CAMK4: variants seen among roughly 807,000 people sequenced by gnomAD.
CAMK4 encodes the protein calcium/calmodulin-dependent protein kinase type IV.
CAMK4 carries 22 observed loss-of-function variants against 44.9 expected under a neutral mutation model. The ratio of observed to expected loss-of-function variants is 0.49; its 90% CI spans 0.35 to 0.70. CAMK4 has a LOEUF of 0.70. Ranked by LOEUF, CAMK4 falls within the 30% of genes least tolerant of loss-of-function variation. The pLI is 0.01. For missense variants in CAMK4, 498 were observed against 586.8 expected, an observed-to-expected ratio of 0.85 and a Z score of 1.56; for synonymous variants, 218 against 215.4, an observed-to-expected ratio of 1.01 and a Z score of -0.11.
intron 5 of CAMK4, among the ~76,000 whole-genome samples, chr5:111,397,511 TCA>T (rs1752063384): frequency 2.0e-5 from 3 of 152,116 alleles, no homozygotes; most frequent in South Asian, 4.1e-4. Context: ...ACAGAAAAGT[TCA>T]GTTTGTAAAA....
chr5:111,488,721 T>C lies in CAMK4; in HGVS notation c.*4255T>C, dbSNP rs181617574. 443 of 152,290 alleles carry C rather than the reference T, an allele frequency of 2.9e-3. 1 individual carries two copies. Among genetic ancestry groups the C allele is most frequent in the African/African-American group, 0.01 (428 of 41,554 alleles). The allele number at this position is 152,290 out of a possible 1,614,324, so 9.4% of individuals were successfully genotyped here. ...GCCATTTATTTTGTTTTAGAATTGT[T>C]TTTGCAAAGCAAATTTTTTTAAAAA... On this transcript the variant is annotated 3_prime_UTR_variant, in exon 11 of 11. Coordinates refer to ENST00000282356, the MANE Select transcript of CAMK4 (RefSeq NM_001744.6).
intron 5 of CAMK4, among the ~76,000 whole-genome samples, chr5:111,397,694 T>C (rs1487054342): frequency 1.9e-5 from 1 of 53,674 alleles, no homozygotes; most frequent in Non-Finnish European, 3.7e-5. Context: ...TGTGTGTGTT[T>C]GCAGTTTACC....
intron 8 of CAMK4, among the ~76,000 whole-genome samples, chr5:111,475,122 C>T (rs548420369): frequency 3.9e-5 from 6 of 152,228 alleles, no homozygotes; most frequent in African/African-American, 1.4e-4. Context: ...GAGATCTTGC[C>T]ACTGCACTCC....
rs1301570067 is a variant in CAMK4 at position 111,489,352 on chromosome 5, C to A, written c.*4886C>A. On this transcript the variant is annotated 3_prime_UTR_variant, in exon 11 of 11. Transcript: ENST00000282356. Reference sequence around the variant, plus strand: ...TATATTTTGACCAATATATTAAGAGCAAATTTTGTCATTATTACTCCTTGT... The same window carrying A: ...TATATTTTGACCAATATATTAAGAGAAAATTTTGTCATTATTACTCCTTGT... 6.6e-6 allele frequency: 1 copy of A among 152,138 alleles called. No individual in the cohort carries two copies. Among genetic ancestry groups the A allele is most frequent in the African/African-American group, 2.4e-5 (1 of 41,436 alleles). 9.4% of individuals were successfully genotyped at this position (152,138 alleles called of 1,614,324 possible). A position where few individuals can be genotyped will look rare whatever the true frequency, so the allele number is the denominator to read the frequency against.
chr5:111,469,159 AAAAAAAAAAAAAAATATATAT>A (rs1346952933), intron 7 of CAMK4, among the ~76,000 whole-genome samples: 34 of 85,802 alleles, frequency 4.0e-4, no homozygotes, highest in African/African-American at 1.6e-3. Flanking sequence ...AAAAAAAAAA[AAAAAAAAAAAAAAATATATAT>A]ATATATATAT....
intron 5 of CAMK4, among the ~76,000 whole-genome samples, chr5:111,406,860 C>G (rs1299349313): frequency 6.6e-6 from 1 of 152,138 alleles, no homozygotes; most frequent in African/African-American, 2.4e-5. Context: ...ATTAAAGTGC[C>G]ATGAATATGA....
chr5:111,397,745 A>G (rs1400636558), intron 5 of CAMK4, among the ~76,000 whole-genome samples: 1 of 150,148 alleles, frequency 6.7e-6, no homozygotes, highest in Admixed American at 6.7e-5. Context: ...TAGTTCTATC[A>G]CATACTGTTG....
At chr5:111,338,251 A>G (rs1749491795) in intron 1 of CAMK4, among the ~76,000 whole-genome samples, 1 of 151,186 alleles carries the variant, frequency 6.6e-6, no homozygotes, top group African/African-American at 2.4e-5. Flanking sequence ...TTAGAACTTA[A>G]GAACTACTCA....
intron 5 of CAMK4, chr5:111,416,649 G>C (rs1303658805): frequency 6.6e-6 from 1 of 152,122 alleles, no homozygotes; most frequent in Non-Finnish European, 1.5e-5. Flanking sequence ...AAATAATAAG[G>C]ATGCTGTGAA....
chr5:111,459,556 C>T (rs1465727684), intron 7 of CAMK4, among the ~76,000 whole-genome samples: 2 of 152,140 alleles, frequency 1.3e-5, no homozygotes, highest in Admixed American at 1.3e-4. Flanking sequence ...AGGATTTTGG[C>T]AACCACTTAC....
rs894760219 is a variant in CAMK4, at chr5:111,238,033, C to T, written c.161+13389C>T. Among the ~76,000 whole-genome samples, 9 of 152,184 alleles carry T rather than the reference C, an allele frequency of 5.9e-5. 1 individual carries two copies. Among genetic ancestry groups the T allele is most frequent in the East Asian group, 1.9e-4 (1 of 5,174 alleles). Reference sequence around the variant, plus strand: ...TACCTTCCCATCTTTCTTTTGACAACCAGAGGCCAGGGGAGCGTGGTGAAA... The same window carrying T: ...TACCTTCCCATCTTTCTTTTGACAATCAGAGGCCAGGGGAGCGTGGTGAAA... On this transcript the variant is annotated intron_variant, in intron 1 of 10. Coordinates refer to ENST00000282356, the MANE Select transcript of CAMK4 (RefSeq NM_001744.6).
At chr5:111,229,631 C>G (rs553844535) in intron 1 of CAMK4, among the ~76,000 whole-genome samples, 1 of 152,316 alleles carries the variant, frequency 6.6e-6, no homozygotes, top group South Asian at 2.1e-4. Context: ...CGACACCATG[C>G]TTTAGGGCCC....
rs189638598 is a variant in CAMK4, at chr5:111,449,270, C to G, written c.625+67C>G. 1.6e-4 allele frequency: 120 copies of G among 743,858 alleles called. 1 individual carries two copies. The highest frequency in any genetic ancestry group is 5.5e-5 in the Non-Finnish European group (25 of 458,468). The allele number at this position is 743,858 out of a possible 1,614,324, so 46.1% of individuals were successfully genotyped here. A position where few individuals can be genotyped will look rare whatever the true frequency, so the allele number is the denominator to read the frequency against. ...GAAATGTATTTTTGTTTAGCAATCT[C>G]ATTTTTAAAAATTCCTAATATTTCT... On this transcript the variant is annotated intron_variant, in intron 7 of 10. Transcript: ENST00000282356.
chr5:111,363,477 T>G (rs1750675818), intron 2 of CAMK4, among the ~76,000 whole-genome samples: 2 of 152,090 alleles, frequency 1.3e-5, no homozygotes, highest in African/African-American at 4.8e-5. Context: ...ACAAGATCCT[T>G]TCTGTCATAG....
intron 1 of CAMK4, among the ~76,000 whole-genome samples, chr5:111,332,750 A>G (rs939830540): frequency 6.6e-6 from 1 of 151,774 alleles, no homozygotes; most frequent in Non-Finnish European, 1.5e-5. Context: ...AGGGATTACA[A>G]CATTGGTGCT....
intron 2 of CAMK4, among the ~76,000 whole-genome samples, chr5:111,374,310 T>C (rs1459166965): frequency 6.6e-6 from 1 of 152,136 alleles, no homozygotes; most frequent in Non-Finnish European, 1.5e-5. Flanking sequence ...CAGAGAAAGA[T>C]GGAATACCTA....
chr5:111,407,347 TA>T lies in CAMK4; in HGVS notation c.459+12579del, dbSNP rs11410135. Among the ~76,000 whole-genome samples the T allele has an allele frequency of 8.6e-3, 1,176 of 136,714 alleles. 11 individuals are homozygous for T. Among genetic ancestry groups the T allele is most frequent in the African/African-American group, 0.02 (759 of 37,064 alleles). The allele number at this position is 136,714 out of a possible 152,430, so 89.7% of individuals were successfully genotyped here. On this transcript the variant is annotated intron_variant, in intron 5 of 10. Coordinates refer to ENST00000282356, the MANE Select transcript of CAMK4 (RefSeq NM_001744.6). ...GCCTGGGTGACAGAGAGAGACTCCT[TA>T]AAAAAAAAAAAAAGAAAAGAAAAAC... is the stretch of plus-strand genomic sequence containing the variant.
At chr5:111,404,680 G>A (rs552765855) in intron 5 of CAMK4, among the ~76,000 whole-genome samples, 1 of 152,270 alleles carries the variant, frequency 6.6e-6, no homozygotes, top group East Asian at 1.9e-4. Context: ...ATGCTGGTCA[G>A]TTGTTGTGTC....
rs530757635 is a variant in CAMK4 at position 111,482,681 on chromosome 5, T to A, written c.829-104T>A. On this transcript the variant is annotated intron_variant, in intron 9 of 10. Coordinates refer to ENST00000282356, the MANE Select transcript of CAMK4 (RefSeq NM_001744.6). The surrounding 1 kb of genome is among the most constrained non-coding windows in gnomAD (Gnocchi z 4.9). ...CAATTTTTTTCTCACATATATTTAGTGGTACTGCTGGGAAATGGAATAAGA... is the reference window on the plus strand; with the variant it reads ...CAATTTTTTTCTCACATATATTTAGAGGTACTGCTGGGAAATGGAATAAGA... 6.5e-6 allele frequency: 6 copies of A among 916,766 alleles called. No homozygotes were observed. In the African/African-American group the frequency reaches 1.0e-4, roughly 15 times the overall value. The allele number at this position is 916,766 out of a possible 1,614,324, so 56.8% of individuals were successfully genotyped here.
Sources: gnomAD v4.1 joint callset for allele counts (sites outside exome capture counted in the v4.1 genomes callset) on GRCh38, gnomAD v4.1.1 for gene constraint, Gnocchi (gnomAD v3.1) non-coding constraint, MANE v1.5 for transcripts, NCBI Gene and HGNC (gene_info 2026-07-23, HGNC 2026-07-21) for gene names.